Variants in FHIT observed in about 807,000 individuals in gnomAD.
FHIT encodes fragile histidine triad diadenosine triphosphatase, also known as bis(5'-adenosyl)-triphosphatase.
A neutral mutation model predicts 17.9 loss-of-function variants in FHIT; 19 were observed. That is an observed-to-expected ratio of 1.06 (90% CI 0.74 to 1.56). The LOEUF is 1.56. FHIT is among the 40% of genes most tolerant of loss of function. The pLI is 0.00. For synonymous variants in FHIT, 81 were observed against 69.7 expected, an observed-to-expected ratio of 1.16 and a Z score of -0.81; for missense variants, 248 against 189.2, an observed-to-expected ratio of 1.31 and a Z score of -1.82.
At chr3:60,791,702 T>C (rs1700782397) in intron 4 of FHIT, among the ~76,000 whole-genome samples, 2 of 152,138 alleles carry the variant, frequency 1.3e-5, no homozygotes, top group Non-Finnish European at 2.9e-5. Flanking sequence ...AGCTAAAAAA[T>C]AGATTTCAGG....
chr3:60,435,395 T>C (rs1345749850), intron 5 of FHIT, among the ~76,000 whole-genome samples: 1 of 151,936 alleles, frequency 6.6e-6, no homozygotes, highest in Non-Finnish European at 1.5e-5. Flanking sequence ...GATTGAGGAG[T>C]TGATGTACTA....
At chr3:60,078,522 T>C (rs1435337664) in intron 5 of FHIT, among the ~76,000 whole-genome samples, 2 of 152,052 alleles carry the variant, frequency 1.3e-5, no homozygotes, top group Admixed American at 6.6e-5. Context: ...TAAAGAACAC[T>C]AAAAGACAGG....
chr3:60,370,877 AT>A (rs1016684460), intron 5 of FHIT, among the ~76,000 whole-genome samples: 2 of 152,248 alleles, frequency 1.3e-5, no homozygotes, highest in Non-Finnish European at 1.5e-5. Context: ...TGTACTAAGT[AT>A]TCCCACACAT....
chr3:59,927,472 A>AAAAAAC (rs112559370), intron 7 of FHIT, among the ~76,000 whole-genome samples: 4,788 of 146,762 alleles, frequency 0.033, 245 homozygotes, highest in African/African-American at 0.12. Context: ...TTAAAAAAAA[A>AAAAAAC]AAAAAAAACT....
chr3:60,247,910 C>T (rs1367138364), intron 5 of FHIT, among the ~76,000 whole-genome samples: 1 of 152,108 alleles, frequency 6.6e-6, no homozygotes, highest in African/African-American at 2.4e-5. Context: ...TTATGACTAA[C>T]TACAACTTAA....
At chr3:60,741,959 G>A (rs1487976464) in intron 4 of FHIT, among the ~76,000 whole-genome samples, 1 of 152,196 alleles carries the variant, frequency 6.6e-6, no homozygotes, top group African/African-American at 2.4e-5. Flanking sequence ...TAAGACAGCA[G>A]GTCAGAAGGT....
intron 5 of FHIT, among the ~76,000 whole-genome samples, chr3:60,475,450 C>T (rs553909309): frequency 6.6e-6 from 1 of 152,274 alleles, no homozygotes; most frequent in South Asian, 2.1e-4. Flanking sequence ...ACCAAAGCTC[C>T]ATCTTTAGAG....
At chr3:60,204,417 G>A (rs557254126) in intron 5 of FHIT, among the ~76,000 whole-genome samples, 2 of 150,510 alleles carry the variant, frequency 1.3e-5, no homozygotes, top group Non-Finnish European at 2.9e-5. Context: ...TTACAAGCAC[G>A]CATCACCATG....
At chr3:60,970,766 T>C (rs976967485) in intron 3 of FHIT, among the ~76,000 whole-genome samples, 1 of 152,198 alleles carries the variant, frequency 6.6e-6, no homozygotes, top group South Asian at 2.1e-4. Flanking sequence ...GTTTGTTGCC[T>C]TTATTTTAAT....
intron 4 of FHIT, among the ~76,000 whole-genome samples, chr3:60,655,677 C>A (rs976774838): frequency 5.3e-5 from 8 of 152,150 alleles, no homozygotes; most frequent in African/African-American, 1.9e-4. Flanking sequence ...TCTCCTCGAA[C>A]TCCCCACCCC....
intron 5 of FHIT, among the ~76,000 whole-genome samples, chr3:60,194,262 G>C (rs1293083904): frequency 6.6e-6 from 1 of 152,014 alleles, no homozygotes; most frequent in Non-Finnish European, 1.5e-5. Context: ...GAACAGAATA[G>C]GGAACCTAGA....
At chr3:60,116,210 T>C (rs931165438) in intron 5 of FHIT, among the ~76,000 whole-genome samples, 2 of 152,150 alleles carry the variant, frequency 1.3e-5, no homozygotes, top group African/African-American at 4.8e-5. Context: ...AGACACATGT[T>C]GGTACAAAGG....
chr3:60,266,751 G>A (rs1706596217), intron 5 of FHIT, among the ~76,000 whole-genome samples: 1 of 151,964 alleles, frequency 6.6e-6, no homozygotes, highest in Non-Finnish European at 1.5e-5. Flanking sequence ...CAAAATGAGA[G>A]AGCAGGGCTG....
chr3:60,822,324 G>C (rs1701958058), intron 3 of FHIT, among the ~76,000 whole-genome samples: 2 of 152,128 alleles, frequency 1.3e-5, no homozygotes, highest in Non-Finnish European at 2.9e-5. Context: ...TCCTCCTCAA[G>C]AACTGGAAAG....
chr3:60,962,767 C>G (rs551912648), intron 3 of FHIT, among the ~76,000 whole-genome samples: 6 of 152,262 alleles, frequency 3.9e-5, no homozygotes, highest in African/African-American at 1.2e-4. Context: ...CCTTGCATCC[C>G]AGGGATGAAG....
intron 4 of FHIT, among the ~76,000 whole-genome samples, chr3:60,774,083 A>G (rs533082405): frequency 6.6e-6 from 1 of 152,316 alleles, no homozygotes; most frequent in East Asian, 1.9e-4. Context: ...TGACATCATA[A>G]TGGATAGAAC....
chr3:60,689,676 T>C (rs2040942158), intron 4 of FHIT, among the ~76,000 whole-genome samples: 1 of 152,188 alleles, frequency 6.6e-6, no homozygotes, highest in South Asian at 2.1e-4. Flanking sequence ...AGAATATTAA[T>C]ATTTGTTGAA....
At chr3:61,103,594 G>C (rs371424705) in intron 2 of FHIT, among the ~76,000 whole-genome samples, 8 of 152,026 alleles carry the variant, frequency 5.3e-5, no homozygotes, top group African/African-American at 1.7e-4. Context: ...GCTGAGTTCA[G>C]GTCCTGGATA....
chr3:60,466,078 A>G (rs2032774610), intron 5 of FHIT, among the ~76,000 whole-genome samples: 1 of 152,006 alleles, frequency 6.6e-6, no homozygotes, highest in South Asian at 2.1e-4. Flanking sequence ...AATGTTTTAT[A>G]GATTTCACTG....
Sources: gnomAD v4.1 joint callset for allele counts (sites outside exome capture counted in the v4.1 genomes callset) on GRCh38, gnomAD v4.1.1 for gene constraint, MANE v1.5 for transcripts, NCBI Gene and HGNC (gene_info 2026-07-23, HGNC 2026-07-21) for gene names.